TRIOBP: variants seen among roughly 807,000 people sequenced by gnomAD.
TRIOBP encodes the protein TRIO and F-actin binding protein, also known as TRIO and F-actin-binding protein.
Under a neutral mutation model 238.8 loss-of-function variants are expected in TRIOBP, and 169 were observed. The ratio of observed to expected loss-of-function variants is 0.71; its 90% confidence interval spans 0.62 to 0.80. The LOEUF (loss-of-function observed/expected upper bound fraction) is 0.80, where lower values mean the gene tolerates loss of function less well. Among genes scored for constraint, TRIOBP ranks in the 30% least tolerant of loss-of-function variants. The pLI, the probability that TRIOBP is intolerant of heterozygous loss-of-function variation, is 0.00. For missense variants in TRIOBP, 2,838 were observed against 3,122.6 expected (o/e 0.91, Z 2.17); for synonymous variants, 1,150 against 1,274.4 (o/e 0.90, Z 2.08).
chr22:37,719,989 C>CCCACTGCACTCACTGTTTCACTCAT (rs1923739787), intron 6 of TRIOBP, among the ~76,000 whole-genome samples: 7 of 71,268 alleles, frequency 9.8e-5, no homozygotes, highest in South Asian at 6.2e-4. Context: ...TTTCACTCAT[C>CCCACTGCACTCACTGTTTCACTCAT]CCCCCCCGCC....
intron 9 of TRIOBP, 51 bp downstream of exon 9, chr22:37,735,493 A>C (rs987840963): frequency 2.1e-5 from 32 of 1,536,974 alleles, no homozygotes; most frequent in Non-Finnish European, 2.8e-5. Flanking sequence ...AGCCCCACTC[A>C]GCCAAGTCTC....
At chr22:37,703,748 G>A (rs1380725985) in intron 3 of TRIOBP, among the ~76,000 whole-genome samples, 3 of 151,490 alleles carry the variant, frequency 2.0e-5, no homozygotes, top group Admixed American at 6.6e-5. Context: ...CTCGTTATTC[G>A]CCCACCTCGA....
At chr22:37,708,793 C>T (rs1015527098) in intron 3 of TRIOBP, among the ~76,000 whole-genome samples, 15 of 152,256 alleles carry the variant, frequency 9.9e-5, no homozygotes, top group South Asian at 6.2e-4. Context: ...GGATGGGGCC[C>T]GAGGTCCATC....
At chr22:37,768,570 C>T (rs1403647891) in intron 19 of TRIOBP, among the ~76,000 whole-genome samples, 1 of 152,172 alleles carries the variant, frequency 6.6e-6, no homozygotes, top group Non-Finnish European at 1.5e-5. Flanking sequence ...CCTGTAATCC[C>T]AGCACTTTGG....
chr22:37,708,247 C>CAAAA (rs34560689), intron 3 of TRIOBP, among the ~76,000 whole-genome samples: 4 of 85,252 alleles, frequency 4.7e-5, no homozygotes, highest in Admixed American at 1.2e-4. Flanking sequence ...CTCCGTCTCA[C>CAAAA]AAAAAAAAAA....
intron 17 of TRIOBP, among the ~76,000 whole-genome samples, chr22:37,763,250 C>T (rs978424354): frequency 6.6e-6 from 1 of 152,220 alleles, no homozygotes; most frequent in Non-Finnish European, 1.5e-5. Flanking sequence ...GGGGCTGGTC[C>T]TGTGAGGCCT....
rs558471370 is a variant in TRIOBP, at chr22:37,757,818, A to C, written c.5893A>C (p.Thr1965Pro). ...GCAGCGGGCCCGCACCCCAGCCCGCACTCCTGACCGCCTGGCCAAGCAGGA... is the reference window on the plus strand; with the variant it reads ...GCAGCGGGCCCGCACCCCAGCCCGCCCTCCTGACCGCCTGGCCAAGCAGGA... The part of the protein sequence containing the change: ...SPQRARTPAR[T>P]PDRLAKQEEL... Residue 1965 changes from threonine to proline, a missense_variant, in exon 16 of 24, where the codon ACT becomes CCT. Transcript: ENST00000644935. 1.9e-6 allele frequency: 3 copies of C among 1,547,878 alleles called. No individual in the cohort carries two copies. Among genetic ancestry groups the C allele is most frequent in the Non-Finnish European group, 2.6e-6 (3 of 1,145,408 alleles).
rs1926107096 is a variant in TRIOBP, at chr22:37,759,205, C to T, written c.6265C>T (p.Pro2089Ser). 6.2e-7 allele frequency: 1 copy of T among 1,613,024 alleles called. No individual in the cohort carries two copies. Among genetic ancestry groups the T allele is most frequent in the Admixed American group, 1.7e-5 (1 of 60,002 alleles). ...GGCGTGGCGTCTCCAAGGGGAGGCT[C>T]CTCAGAGTGCACTGAGATCCCAGGA... ...LEAWRLQGEA[P>S]QSALRSQEDG... The change falls in exon 17 of 24, where the codon CCT (proline) becomes TCT (serine). Residue 2089 changes from proline (P) to serine (S), a missense_variant. Pro to Ser is a moderately conservative substitution (Grantham distance 74). This residue lies in a region of TRIOBP where 2,096 missense variants were observed against 2,137.4 expected (regional missense o/e 0.98). Transcript: ENST00000644935.
intron 18 of TRIOBP, among the ~76,000 whole-genome samples, chr22:37,767,214 G>A (rs1926541988): frequency 2.0e-5 from 3 of 151,596 alleles, no homozygotes. Flanking sequence ...TTGTGCCACT[G>A]CACTCCAGCC....
intron 3 of TRIOBP, 42 bp downstream of exon 3, chr22:37,701,521 G>T (rs1419099010): frequency 8.3e-6 from 12 of 1,442,902 alleles, no homozygotes; most frequent in Non-Finnish European, 1.2e-5. Flanking sequence ...TTGTGATGGG[G>T]GCATGGGTGA....
At chr22:37,719,962 C>CCACACTGCACTCACTGTTTCACTCAA (rs1923733866) in intron 6 of TRIOBP, among the ~76,000 whole-genome samples, 1 of 54,810 alleles carries the variant, frequency 1.8e-5, no homozygotes, top group Non-Finnish European at 4.7e-5. Flanking sequence ...ACCTCAGGCC[C>CCACACTGCACTCACTGTTTCACTCAA]CACACTGCAC....
chr22:37,746,215 GAAAAAA>G lies in TRIOBP; in HGVS notation c.5322+5195_5322+5200del, dbSNP rs58335859. 1.0e-5 allele frequency: 10 copies of G among 969,468 alleles called. No homozygotes were observed. The Admixed American group carries it at 2.2e-4, about 22-fold the overall frequency. 60.1% of individuals were successfully genotyped at this position (969,468 alleles called of 1,614,324 possible). A position where few individuals can be genotyped will look rare whatever the true frequency, so the allele number is the denominator to read the frequency against. On this transcript the variant is annotated intron_variant, in intron 11 of 23. Coordinates refer to ENST00000644935, the MANE Select transcript of TRIOBP (RefSeq NM_001039141.3). ...CCGCTCGGGTCCTCCCAGGAAGTTT[GAAAAAA>G]AAAAAAAAAAAGTTTTATGGGCGGA... is the stretch of plus-strand genomic sequence containing the variant.
intron 12 of TRIOBP, among the ~76,000 whole-genome samples, chr22:37,754,623 C>T (rs541371788): frequency 3.3e-5 from 5 of 152,166 alleles, no homozygotes; most frequent in East Asian, 3.9e-4. Context: ...GCACTGGGTC[C>T]GGGGTGCCTG....
chr22:37,758,040 C>T lies in TRIOBP; in HGVS notation c.6115C>T (p.Arg2039Trp), dbSNP rs749801282. 10 of 1,611,812 alleles carry T rather than the reference C, an allele frequency of 6.2e-6. No homozygotes were observed. The highest frequency in any genetic ancestry group is 2.2e-5 in the East Asian group (1 of 44,854). The stretch of plus-strand genomic sequence containing the variant: ...GCAGGAGCTGGAGAAGCTGCCCCTG[C>T]GGGAGAATAAGCGGGTGCCCCTCAC... ...KWQELEKLPL[R>W]ENKRVPLTAL... Residue 2039 changes from arginine (R) to tryptophan (W), a missense_variant, in exon 16 of 24, where the codon CGG becomes TGG. Arg to Trp is a moderately radical substitution (Grantham distance 101). Around this residue, in one of 5 missense-constraint regions of TRIOBP, gnomAD observed 2,096 missense variants for 2,137.4 expected, o/e 0.98. Coordinates refer to ENST00000644935, the MANE Select transcript of TRIOBP (RefSeq NM_001039141.3).
At chr22:37,727,519 T>C (rs1326896784) in intron 7 of TRIOBP, among the ~76,000 whole-genome samples, 3 of 151,714 alleles carry the variant, frequency 2.0e-5, no homozygotes, top group Non-Finnish European at 4.4e-5. Flanking sequence ...ATACAAAAAA[T>C]TAGCTGGGCA....
intron 21 of TRIOBP, among the ~76,000 whole-genome samples, chr22:37,771,020 T>C (rs1926748181): frequency 6.6e-6 from 1 of 152,212 alleles, no homozygotes; most frequent in Non-Finnish European, 1.5e-5. Flanking sequence ...TAGGTGAGGC[T>C]CACTCTGTAC....
chr22:37,736,792 T>C (rs1924692630), intron 9 of TRIOBP, among the ~76,000 whole-genome samples: 1 of 151,722 alleles, frequency 6.6e-6, no homozygotes, highest in Non-Finnish European at 1.5e-5. Context: ...CATGCCCGGC[T>C]AATTTTGTGT....
At chr22:37,705,435 C>A (rs375167500) in intron 3 of TRIOBP, among the ~76,000 whole-genome samples, 74 of 151,986 alleles carry the variant, frequency 4.9e-4, no homozygotes, top group African/African-American at 1.8e-3. Context: ...GGCTGCACAT[C>A]GGGCTGGAGA....
In TRIOBP at chr22:37,765,832, G is replaced by GC. The variant is rs149021782; in HGVS notation, c.6472+15_6472+16insC. On this transcript the variant is annotated intron_variant, in intron 18 of 23. Transcript: ENST00000644935. ...CACGGCCTCAGGTATGGACCCTGGG[G>GC]GGGGCACAGTGGGCTGGGCTCTGAG... 5.9e-3 allele frequency: 9,431 copies of GC among 1,585,328 alleles called. 47 individuals are homozygous for GC. The highest frequency in any genetic ancestry group is 6.9e-3 in the Non-Finnish European group (8,023 of 1,169,744).
Sources: gnomAD v4.1 joint callset for allele counts (sites outside exome capture counted in the v4.1 genomes callset) on GRCh38, gnomAD v4.1.1 for gene constraint, gnomAD v4.1.1 regional missense constraint, MANE v1.5 for transcripts, NCBI Gene and HGNC (gene_info 2026-07-23, HGNC 2026-07-21) for gene names.